Variants in KCNQ5 observed in about 807,000 individuals in gnomAD.
The protein encoded by KCNQ5 is potassium voltage-gated channel subfamily KQT member 5.
A neutral mutation model predicts 98.2 loss-of-function variants in KCNQ5; 30 were observed. The ratio of observed to expected loss-of-function variants is 0.31; its 90% CI spans 0.23 to 0.41. KCNQ5 has a LOEUF of 0.41. Ranked by LOEUF, KCNQ5 falls within the 10% of genes least tolerant of loss-of-function variation. KCNQ5 has a pLI of 1.00. For synonymous variants in KCNQ5, 458 were observed against 449.4 expected (o/e 1.02, Z -0.24); for missense variants, 835 against 1,182.5 (o/e 0.71, Z 4.31).
chr6:72,851,845 A>G (rs991563099), intron 1 of KCNQ5, among the ~76,000 whole-genome samples: 7 of 152,156 alleles, frequency 4.6e-5, no homozygotes, highest in Non-Finnish European at 7.4e-5. Context: ...TAATTGAGAT[A>G]CTTTTTCCAC....
rs568610032 is a variant in KCNQ5 at position 72,975,917 on chromosome 6, T to C, written c.399-27991T>C. ...CAAAGAGCTGCACTGAGATTTTCCA[T>C]GAAATGTGAATGCGCTCAGAAAGCC... is the stretch of plus-strand genomic sequence containing the variant. On this transcript the variant is annotated intron_variant, in intron 1 of 13. Transcript: ENST00000370398. Among the ~76,000 whole-genome samples the C allele has an allele frequency of 6.6e-5, 10 of 152,310 alleles. No homozygotes were observed. In the East Asian group the frequency reaches 7.7e-4, roughly 12 times the overall value.
Position 73,142,809 on chromosome 6 carries a change from A to G in KCNQ5, c.1468+9168A>G, listed in dbSNP as rs569387874. Among the ~76,000 whole-genome samples the G allele has an allele frequency of 2.5e-3, 378 of 152,202 alleles. 3 individuals are homozygous for G. The highest frequency in any genetic ancestry group is 4.0e-3 in the Non-Finnish European group (269 of 67,984). Reference sequence around the variant, plus strand: ...CGGGCACCTGTAATCCCAGCTACTCAGGAGGCTGAGGCAGGAGAATCACTT... The same window carrying G: ...CGGGCACCTGTAATCCCAGCTACTCGGGAGGCTGAGGCAGGAGAATCACTT... On this transcript the variant is annotated intron_variant, in intron 10 of 13. Coordinates refer to ENST00000370398, the MANE Select transcript of KCNQ5 (RefSeq NM_019842.4).
chr6:73,094,013 C>T (rs1213618425), intron 5 of KCNQ5, among the ~76,000 whole-genome samples: 1 of 152,102 alleles, frequency 6.6e-6, no homozygotes, highest in Non-Finnish European at 1.5e-5. Flanking sequence ...ATTGAAGTCT[C>T]CCACTATTAT....
At chr6:72,945,225 A>G (rs771033834) in intron 1 of KCNQ5, among the ~76,000 whole-genome samples, 18 of 152,158 alleles carry the variant, frequency 1.2e-4, no homozygotes. Context: ...AATTTAAGGG[A>G]AAAGCATATG....
intron 8 of KCNQ5, among the ~76,000 whole-genome samples, chr6:73,123,968 T>C (rs1562192676): frequency 6.6e-6 from 1 of 152,180 alleles, no homozygotes; most frequent in African/African-American, 2.4e-5. Context: ...CCCAACAGTA[T>C]AGGCTAAAAG....
rs558025890 is a variant in KCNQ5, at chr6:73,010,164, G to A, written c.489+6166G>A. On this transcript the variant is annotated intron_variant, in intron 2 of 13. Transcript: ENST00000370398. ...AAGAGGATTATACACCTTGGTCAAA[G>A]GGGATTTAGTCCTTCAATGAAAGAA... Among the ~76,000 whole-genome samples, 129 of 152,164 alleles carry A rather than the reference G, an allele frequency of 8.5e-4. 1 individual carries two copies. The highest frequency in any genetic ancestry group is 3.0e-3 in the African/African-American group (125 of 41,536).
intron 1 of KCNQ5, among the ~76,000 whole-genome samples, chr6:72,850,810 C>A (rs1340521891): frequency 2.0e-5 from 3 of 152,118 alleles, no homozygotes; most frequent in Non-Finnish European, 4.4e-5. Context: ...CAGTGGAAGA[C>A]AAAGATATGA....
At chr6:72,686,521 G>A (rs973201784) in intron 1 of KCNQ5, among the ~76,000 whole-genome samples, 1 of 152,086 alleles carries the variant, frequency 6.6e-6, no homozygotes, top group Non-Finnish European at 1.5e-5. Flanking sequence ...CTTTTCTTAT[G>A]TGTATGTGAA....
In KCNQ5 at chr6:72,889,396, A is replaced by G. The variant is rs149460150; in HGVS notation, c.399-114512A>G. ...CTACTCAACAGCATATAACTGATGC[A>G]TTTATAGTGTGTATTAGGAATAGCC... On this transcript the variant is annotated intron_variant, in intron 1 of 13. Coordinates refer to ENST00000370398, the MANE Select transcript of KCNQ5 (RefSeq NM_019842.4). 7.2e-4 allele frequency among the ~76,000 whole-genome samples: 110 copies of G among 152,310 alleles called. 1 individual carries two copies. The highest frequency in any genetic ancestry group is 2.8e-3 in the Admixed American group (43 of 15,300).
At chr6:72,719,281 G>A (rs1367420503) in intron 1 of KCNQ5, among the ~76,000 whole-genome samples, 2 of 152,166 alleles carry the variant, frequency 1.3e-5, no homozygotes, top group African/African-American at 2.4e-5. Flanking sequence ...GGAAGACAGA[G>A]GCAGAGATCT....
chr6:73,055,422 T>C, intron 3 of KCNQ5: 1 of 1,524,704 alleles, frequency 6.6e-7, no homozygotes, highest in Non-Finnish European at 9.1e-7. Flanking sequence ...GAAGCCCAGG[T>C]GAAGATCTGC....
At chr6:72,812,833 G>A (rs1775308122) in intron 1 of KCNQ5, among the ~76,000 whole-genome samples, 1 of 152,188 alleles carries the variant, frequency 6.6e-6, no homozygotes, top group African/African-American at 2.4e-5. Context: ...TAAGCAGCAA[G>A]TCAGGATTTA....
chr6:73,055,488 G>T, intron 3 of KCNQ5: 1 of 1,550,756 alleles, frequency 6.4e-7, no homozygotes, highest in Non-Finnish European at 8.9e-7. Context: ...CCTTTCTACA[G>T]CAACATCAGT....
At chr6:72,882,691 T>G (rs2150174547) in intron 1 of KCNQ5, among the ~76,000 whole-genome samples, 1 of 152,292 alleles carries the variant, frequency 6.6e-6, no homozygotes, top group African/African-American at 2.4e-5. Context: ...AAATTCACTT[T>G]TGAGGGTTTG....
intron 1 of KCNQ5, among the ~76,000 whole-genome samples, chr6:72,807,081 G>T (rs1254599656): frequency 6.6e-6 from 1 of 151,934 alleles, no homozygotes; most frequent in East Asian, 1.9e-4. Context: ...GCATTTATGT[G>T]TTTATGCATT....
chr6:73,169,370 TA>T (rs1277116337), intron 10 of KCNQ5, among the ~76,000 whole-genome samples: 1 of 152,228 alleles, frequency 6.6e-6, no homozygotes, highest in East Asian at 1.9e-4. Flanking sequence ...ACAGGCCAGT[TA>T]GTTACAAGTC....
chr6:72,802,013 C>T (rs1265824288), intron 1 of KCNQ5, among the ~76,000 whole-genome samples: 1 of 152,162 alleles, frequency 6.6e-6, no homozygotes, highest in Non-Finnish European at 1.5e-5. Flanking sequence ...GTCTGATGGG[C>T]TTCCCTTTGA....
At chr6:73,061,507 T>C (rs529003260) in intron 3 of KCNQ5, among the ~76,000 whole-genome samples, 1 of 152,258 alleles carries the variant, frequency 6.6e-6, no homozygotes, top group Non-Finnish European at 1.5e-5. Context: ...TGTACAGTTG[T>C]TCCGAATCTA....
At chr6:72,935,554 G>A (rs1330291695) in intron 1 of KCNQ5, among the ~76,000 whole-genome samples, 2 of 152,114 alleles carry the variant, frequency 1.3e-5, no homozygotes, top group Non-Finnish European at 2.9e-5. Flanking sequence ...TGCATGATTA[G>A]TTGTTTCTTT....
Sources: allele counts gnomAD v4.1 joint callset (sites outside exome capture counted in the v4.1 genomes callset), GRCh38; gene constraint gnomAD v4.1.1; transcripts MANE v1.5; gene names NCBI Gene and HGNC (gene_info 2026-07-23, HGNC 2026-07-21).